Variants in NRCAM observed in about 807,000 individuals in gnomAD.
The protein encoded by NRCAM is neuronal cell adhesion molecule.
A neutral mutation model predicts 156.5 loss-of-function variants in NRCAM; 83 were observed. The ratio of observed to expected loss-of-function variants is 0.53; its 90% CI spans 0.44 to 0.64. NRCAM has a LOEUF of 0.64. NRCAM is among the 30% of genes least tolerant of loss of function. NRCAM has a pLI of 0.00. For missense variants in NRCAM, 1,417 were observed against 1,597.3 expected (o/e 0.89, Z 1.92); for synonymous variants, 538 against 563.9 (o/e 0.95, Z 0.65).
intron 2 of NRCAM, among the ~76,000 whole-genome samples, chr7:108,346,146 T>A (rs896871855): frequency 3.9e-5 from 6 of 152,132 alleles, no homozygotes; most frequent in Admixed American, 3.3e-4. Context: ...AGACAATGAC[T>A]GTGGGATTTA....
intron 2 of NRCAM, among the ~76,000 whole-genome samples, chr7:108,325,065 C>T (rs1185315725): frequency 2.0e-5 from 3 of 151,736 alleles, no homozygotes; most frequent in Admixed American, 1.3e-4. Flanking sequence ...AGAAAGGTAG[C>T]GGCAAGGGCT....
At chr7:108,220,544 A>G (rs2091864729) in intron 11 of NRCAM, among the ~76,000 whole-genome samples, 1 of 152,080 alleles carries the variant, frequency 6.6e-6, no homozygotes, top group Admixed American at 6.6e-5. Context: ...GATAAACCCA[A>G]ATACTTACAG....
At chr7:108,416,665 G>C (rs1204112622) in intron 1 of NRCAM, among the ~76,000 whole-genome samples, 1 of 152,162 alleles carries the variant, frequency 6.6e-6, no homozygotes, top group Non-Finnish European at 1.5e-5. Context: ...TGCTTTTCAA[G>C]ATTTGAATTT....
At chr7:108,273,375 G>A (rs1267726695) in intron 3 of NRCAM, among the ~76,000 whole-genome samples, 1 of 152,202 alleles carries the variant, frequency 6.6e-6, no homozygotes, top group African/African-American at 2.4e-5. Flanking sequence ...CAGTGTAAAA[G>A]CGTTCCTATT....
rs753554857 is a variant in NRCAM at position 108,209,403 on chromosome 7, G to A, written c.1075+18C>T. ...GGTCTCTCATGAAGGCAAGAAGAAT[G>A]GATTTTAAACAATATACCTTTAACT... On this transcript the variant is annotated intron_variant, in intron 12 of 32. Coordinates refer to ENST00000379028, the MANE Select transcript of NRCAM (RefSeq NM_001037132.4). 5.9e-6 allele frequency: 9 copies of A among 1,520,218 alleles called. No homozygotes were observed. Among genetic ancestry groups the A allele is most frequent in the Admixed American group, 2.3e-5 (1 of 43,016 alleles). 94.2% of individuals were successfully genotyped at this position (1,520,218 alleles called of 1,614,324 possible). A position where few individuals can be genotyped will look rare whatever the true frequency, so the allele number is the denominator to read the frequency against.
intron 13 of NRCAM, among the ~76,000 whole-genome samples, chr7:108,200,992 T>C (rs1298234894): frequency 6.6e-6 from 1 of 151,764 alleles, no homozygotes; most frequent in Non-Finnish European, 1.5e-5. Context: ...AAGGAAAGTG[T>C]GGGGGGCAGC....
chr7:108,155,099 T>TACACACACAC (rs1430907685), intron 32 of NRCAM, among the ~76,000 whole-genome samples: 2 of 89,990 alleles, frequency 2.2e-5, no homozygotes, highest in African/African-American at 5.8e-5. Flanking sequence ...TATATATATA[T>TACACACACAC]ATACACACAC....
At chr7:108,231,920 C>A (rs891512538) in intron 7 of NRCAM, among the ~76,000 whole-genome samples, 3 of 152,098 alleles carry the variant, frequency 2.0e-5, no homozygotes, top group Admixed American at 2.0e-4. Flanking sequence ...GGACACTCCA[C>A]TTCCAGTAAA....
At position 108,427,074 on chromosome 7, in the gene NRCAM, C is replaced by T. The variant is rs77073965; in HGVS notation, c.-331-27481G>A. ...CAAGCCAGAGTTACTTACTGTTTCA[C>T]GAACATGCCTTTCCTCTAGAATGCC... On this transcript the variant is annotated intron_variant, in intron 1 of 32. Transcript: ENST00000379028. 1.2e-3 allele frequency among the ~76,000 whole-genome samples: 188 copies of T among 152,298 alleles called. 4 individuals are homozygous for T. In the East Asian group the frequency reaches 0.033, roughly 27 times the overall value.
chr7:108,250,933 A>G (rs1023759812), intron 3 of NRCAM, among the ~76,000 whole-genome samples: 1 of 152,210 alleles, frequency 6.6e-6, no homozygotes, highest in Non-Finnish European at 1.5e-5. Flanking sequence ...AAAGTTTTTT[A>G]AAAAAGAAAA....
intron 20 of NRCAM, among the ~76,000 whole-genome samples, chr7:108,189,185 G>C (rs948280219): frequency 9.2e-5 from 14 of 152,172 alleles, no homozygotes; most frequent in Admixed American, 6.5e-5. Flanking sequence ...AGTTAAGGTA[G>C]AACCTGTTAT....
Position 108,401,113 on chromosome 7 carries a change from G to A in NRCAM, c.-331-1520C>T, listed in dbSNP as rs200484659. On this transcript the variant is annotated intron_variant, in intron 1 of 32. Transcript: ENST00000379028. Reference sequence around the variant, plus strand: ...CGTCTCTACTAAAAAATACAAAAACGCCTGTAATCCCAGCTACTCGGGAGG... The same window carrying A: ...CGTCTCTACTAAAAAATACAAAAACACCTGTAATCCCAGCTACTCGGGAGG... Among the ~76,000 whole-genome samples, 7 of 152,130 alleles carry A rather than the reference G, an allele frequency of 4.6e-5. No homozygotes were observed. The East Asian group carries it at 5.8e-4, about 13-fold the overall frequency.
At chr7:108,199,824 T>A (rs1006020554) in intron 13 of NRCAM, among the ~76,000 whole-genome samples, 1 of 152,190 alleles carries the variant, frequency 6.6e-6, no homozygotes, top group African/African-American at 2.4e-5. Flanking sequence ...TTCTAGGGAT[T>A]GGGATGTAGA....
At chr7:108,158,185 C>T (rs1448051023) in intron 32 of NRCAM, among the ~76,000 whole-genome samples, 1 of 152,006 alleles carries the variant, frequency 6.6e-6, no homozygotes, top group African/African-American at 2.4e-5. Flanking sequence ...TTTCATACAC[C>T]TTCAGCTCCA....
At chr7:108,219,897 G>A (rs183622473) in intron 11 of NRCAM, among the ~76,000 whole-genome samples, 17 of 152,242 alleles carry the variant, frequency 1.1e-4, no homozygotes, top group African/African-American at 3.6e-4. Context: ...AATTCGTAAA[G>A]AGGAAGTCAA....
chr7:108,304,388 G>GC (rs1310436984), intron 3 of NRCAM, among the ~76,000 whole-genome samples: 10 of 101,446 alleles, frequency 9.9e-5, no homozygotes, highest in South Asian at 1.0e-3. Flanking sequence ...GCTATTCCAT[G>GC]CTTTTTTTTT....
At chr7:108,412,797 T>C (rs979402244) in intron 1 of NRCAM, among the ~76,000 whole-genome samples, 2 of 152,122 alleles carry the variant, frequency 1.3e-5, no homozygotes, top group African/African-American at 4.8e-5. Context: ...GATCATGTGG[T>C]ATTTGTCTTT....
At chr7:108,183,052 T>C (rs2064373898) in intron 22 of NRCAM, 132 bp from the exon 23 acceptor site, 2 of 726,054 alleles carry the variant, frequency 2.8e-6, no homozygotes, top group Admixed American at 5.2e-5. Flanking sequence ...CTATTAACCA[T>C]TTTCTCCAGG....
At chr7:108,233,900 C>T (rs745795110) in intron 6 of NRCAM, among the ~76,000 whole-genome samples, 17 of 152,136 alleles carry the variant, frequency 1.1e-4, no homozygotes, top group Non-Finnish European at 2.1e-4. Context: ...CTTAGCATTA[C>T]CAGGCATCAG....
Sources: gnomAD v4.1 joint callset for allele counts (sites outside exome capture counted in the v4.1 genomes callset) on GRCh38, gnomAD v4.1.1 for gene constraint, MANE v1.5 for transcripts, NCBI Gene and HGNC (gene_info 2026-07-23, HGNC 2026-07-21) for gene names.